Variants in CHCHD6 observed in about 807,000 individuals in gnomAD.
CHCHD6 encodes MICOS complex subunit MIC25.
In CHCHD6, 28 loss-of-function variants were observed where a neutral mutation model predicts 32.3. The observed-to-expected ratio is 0.87, with a 90% CI of 0.64 to 1.19. The LOEUF is 1.19. Among genes scored for constraint, CHCHD6 ranks in the 50% most tolerant of loss-of-function variants. CHCHD6 has a pLI of 0.00. For synonymous variants in CHCHD6, 122 were observed against 117.5 expected, an observed-to-expected ratio of 1.04 and a Z score of -0.25; for missense variants, 333 against 307.0, an observed-to-expected ratio of 1.08 and a Z score of -0.63.
At chr3:126,874,332 A>G (rs895320085) in intron 5 of CHCHD6, among the ~76,000 whole-genome samples, 3 of 152,234 alleles carry the variant, frequency 2.0e-5, no homozygotes, top group African/African-American at 4.8e-5. Context: ...GATTGGAGCC[A>G]TTAATTTAGG....
chr3:126,930,507 T>C (rs968768204), intron 6 of CHCHD6, among the ~76,000 whole-genome samples: 2 of 152,228 alleles, frequency 1.3e-5, no homozygotes, highest in African/African-American at 4.8e-5. Context: ...ACAAAGACTT[T>C]CCACACTGTC....
chr3:126,807,539 A>G (rs1939454367), intron 4 of CHCHD6, among the ~76,000 whole-genome samples: 1 of 152,216 alleles, frequency 6.6e-6, no homozygotes, highest in Non-Finnish European at 1.5e-5. Flanking sequence ...GTCTTAGCTC[A>G]GGAGGTCAAG....
At chr3:126,755,016 A>G (rs1001906850) in intron 4 of CHCHD6, among the ~76,000 whole-genome samples, 4 of 152,192 alleles carry the variant, frequency 2.6e-5, no homozygotes, top group Admixed American at 2.6e-4. Context: ...GGGAGTGTGG[A>G]GAGAATCCAA....
At chr3:126,944,087 T>C (rs149314129) in intron 6 of CHCHD6, among the ~76,000 whole-genome samples, 1 of 152,322 alleles carries the variant, frequency 6.6e-6, no homozygotes, top group Non-Finnish European at 1.5e-5. Flanking sequence ...ATAAGTTGGA[T>C]CCACAGTGAG....
intron 4 of CHCHD6, among the ~76,000 whole-genome samples, chr3:126,837,959 A>T (rs1332924038): frequency 1.3e-5 from 2 of 152,146 alleles, no homozygotes; most frequent in Non-Finnish European, 2.9e-5. Flanking sequence ...CTGTCCTGTG[A>T]TCCCTCACAC....
chr3:126,821,886 C>T (rs562831312), intron 4 of CHCHD6, among the ~76,000 whole-genome samples: 1 of 152,226 alleles, frequency 6.6e-6, no homozygotes, highest in Non-Finnish European at 1.5e-5. Context: ...GAAGAAATGT[C>T]TATTCAATTC....
chr3:126,780,903 C>T (rs1359139832), intron 4 of CHCHD6, among the ~76,000 whole-genome samples: 1 of 152,144 alleles, frequency 6.6e-6, no homozygotes, highest in African/African-American at 2.4e-5. Context: ...GGTGGCTTCC[C>T]CACAGTTCTG....
At chr3:126,751,538 C>T (rs949530490) in intron 4 of CHCHD6, among the ~76,000 whole-genome samples, 3 of 150,318 alleles carry the variant, frequency 2.0e-5, no homozygotes, top group Admixed American at 1.3e-4. Context: ...CCTGCATTGC[C>T]CTAACTTGAT....
At chr3:126,757,492 A>G (rs1485781679) in intron 4 of CHCHD6, among the ~76,000 whole-genome samples, 1 of 152,174 alleles carries the variant, frequency 6.6e-6, no homozygotes, top group East Asian at 1.9e-4. Flanking sequence ...TGGTGTATAG[A>G]TCATTGGGAA....
intron 4 of CHCHD6, among the ~76,000 whole-genome samples, chr3:126,759,787 G>C (rs1937096002): frequency 6.6e-6 from 1 of 152,190 alleles, no homozygotes; most frequent in South Asian, 2.1e-4. Flanking sequence ...CTATGGTAAA[G>C]GTACTGTTAG....
chr3:126,949,867 C>G (rs924896171), intron 6 of CHCHD6: 38 of 153,996 alleles, frequency 2.5e-4, no homozygotes, highest in Non-Finnish European at 4.0e-4. Context: ...CAGAGCCTTG[C>G]CATAGATGAG....
chr3:126,921,132 G>A (rs1296198124), intron 6 of CHCHD6, among the ~76,000 whole-genome samples: 2 of 152,102 alleles, frequency 1.3e-5, no homozygotes, highest in Admixed American at 1.3e-4. Context: ...GACCCTGTTC[G>A]TTTTAGCAAC....
chr3:126,917,004 C>G (rs2078181146), intron 6 of CHCHD6, among the ~76,000 whole-genome samples: 1 of 152,240 alleles, frequency 6.6e-6, no homozygotes, highest in Non-Finnish European at 1.5e-5. Context: ...TGCCAAGTGG[C>G]CCACCATCAT....
intron 4 of CHCHD6, among the ~76,000 whole-genome samples, chr3:126,846,933 C>A (rs557762208): frequency 2.0e-5 from 3 of 152,174 alleles, no homozygotes; most frequent in Non-Finnish European, 4.4e-5. Flanking sequence ...ATATTTATGT[C>A]CAGTAAAGGA....
chr3:126,865,202 TTCC>T (rs375615641), intron 5 of CHCHD6, among the ~76,000 whole-genome samples: 13 of 103,678 alleles, frequency 1.3e-4, no homozygotes, highest in South Asian at 3.6e-4. Flanking sequence ...CCTCCACTTC[TTCC>T]TCCTCCTCCT....
chr3:126,949,061 TAGAC>T (rs1226653366), intron 6 of CHCHD6, among the ~76,000 whole-genome samples: 1 of 152,226 alleles, frequency 6.6e-6, no homozygotes, highest in Non-Finnish European at 1.5e-5. Flanking sequence ...AGTGCATTAA[TAGAC>T]AGTGGTGGCA....
At chr3:126,946,217 C>T (rs958496261) in intron 6 of CHCHD6, among the ~76,000 whole-genome samples, 1 of 152,194 alleles carries the variant, frequency 6.6e-6, no homozygotes, top group African/African-American at 2.4e-5. Context: ...CACCAAAGGC[C>T]ACCATGGCCC....
chr3:126,840,966 C>T (rs1490238718), intron 4 of CHCHD6, among the ~76,000 whole-genome samples: 1 of 151,874 alleles, frequency 6.6e-6, no homozygotes, highest in African/African-American at 2.4e-5. Context: ...CATATGTATA[C>T]ATGTGCCATG....
At chr3:126,885,111 C>G (rs2077661783) in intron 5 of CHCHD6, among the ~76,000 whole-genome samples, 1 of 152,344 alleles carries the variant, frequency 6.6e-6, no homozygotes, top group South Asian at 2.1e-4. Flanking sequence ...AGGCCCAGTG[C>G]TGTGCCCATT....
Sources: gnomAD v4.1 joint callset for allele counts (sites outside exome capture counted in the v4.1 genomes callset) on GRCh38, gnomAD v4.1.1 for gene constraint, MANE v1.5 for transcripts, NCBI Gene and HGNC (gene_info 2026-07-23, HGNC 2026-07-21) for gene names.